The following SETD2 variants were observed in gnomAD, a reference collection of about 807,000 sequenced individuals.
SETD2 encodes the protein SET domain containing 2, histone lysine methyltransferase.
Under a neutral mutation model 242.1 loss-of-function variants are expected in SETD2, and 31 were observed. The ratio of observed to expected loss-of-function variants is 0.13; its 90% CI spans 0.10 to 0.17. The LOEUF (loss-of-function observed/expected upper bound fraction) is 0.17, where lower values mean the gene tolerates loss of function less well. Ranked by LOEUF, SETD2 falls within the 10% of genes least tolerant of loss-of-function variation. The pLI, the probability that SETD2 is intolerant of heterozygous loss-of-function variation, is 1.00. For missense variants in SETD2, 2,481 were observed against 3,046.3 expected, an observed-to-expected ratio of 0.81 and a Z score of 4.37; for synonymous variants, 1,006 against 1,066.5, an observed-to-expected ratio of 0.94 and a Z score of 1.11.
rs567092381 is a variant in SETD2, at chr3:47,125,148, A to G, written c.88-600T>C. Among the ~76,000 whole-genome samples, 4 of 151,990 alleles carry G rather than the reference A, an allele frequency of 2.6e-5. No individual in the cohort carries two copies. The East Asian group carries it at 5.8e-4, about 22-fold the overall frequency. On this transcript the variant is annotated intron_variant, in intron 2 of 20. Transcript: ENST00000409792. Reference sequence around the variant, plus strand: ...AGCCTGGCCAACATAATGAAAACCCATCTCTACTAAAAATACAAAAATTAG... The same window carrying G: ...AGCCTGGCCAACATAATGAAAACCCGTCTCTACTAAAAATACAAAAATTAG...
Position 47,123,981 on chromosome 3 carries a change from T to C in SETD2, c.655A>G (p.Ile219Val), listed in dbSNP as rs1236885387. The part of the protein sequence containing the change: ...TEPVALPHTP[I>V]TVLMAAPVPL... ...ACTGGTGCTGCCATTAGAACTGTTA[T>C]TGGTGTATGTGGCAAGGCCACTGGC... Residue 219 changes from isoleucine to valine, a missense_variant, in exon 3 of 21, where the codon ATA becomes GTA. Physicochemically the swap from Ile to Val is conservative, Grantham distance 29. Around this residue, in one of 17 missense-constraint regions of SETD2, gnomAD observed 334 missense variants for 374.5 expected, o/e 0.89. Coordinates refer to ENST00000409792, the MANE Select transcript of SETD2 (RefSeq NM_014159.7). 1.9e-6 allele frequency: 3 copies of C among 1,551,538 alleles called. No homozygotes were observed. The South Asian group carries it at 3.6e-5, about 18-fold the overall frequency.
At chr3:47,104,152 T>C (rs753721648) in intron 6 of SETD2, among the ~76,000 whole-genome samples, 1 of 151,894 alleles carries the variant, frequency 6.6e-6, no homozygotes, top group Non-Finnish European at 1.5e-5. Flanking sequence ...TATATGAGAA[T>C]TGAACTGAAT....
intron 3 of SETD2, among the ~76,000 whole-genome samples, chr3:47,117,285 C>CAAAAAAAAA: frequency 4.0e-5 from 1 of 24,816 alleles, no homozygotes; most frequent in East Asian, 1.4e-3. Context: ...AAAAAACAAA[C>CAAAAAAAAA]AAAAAAAAAA....
Position 47,058,440 on chromosome 3 carries a change from C to CAAAAAAAA in SETD2, c.6294-958_6294-951dup, listed in dbSNP as rs1174283471. Reference sequence around the variant, plus strand: ...TGGGCAACAGGGCAAGACACCGTCTCAAAAAAAAAAAAAAAAAAAAAAAAC... The same window carrying CAAAAAAAA: ...TGGGCAACAGGGCAAGACACCGTCTCAAAAAAAAAAAAAAAAAAAAAAAAAAAAAAAAC... On this transcript the variant is annotated intron_variant, in intron 14 of 20. Transcript: ENST00000409792. Among the ~76,000 whole-genome samples, 18 of 21,972 alleles carry CAAAAAAAA rather than the reference C, an allele frequency of 8.2e-4. 2 individuals carry two copies. Among genetic ancestry groups the CAAAAAAAA allele is most frequent in the African/African-American group, 4.0e-3 (16 of 4,024 alleles). The allele number at this position is 21,972 out of a possible 152,430, so 14.4% of individuals were successfully genotyped here. A position where few individuals can be genotyped will look rare whatever the true frequency, so the allele number is the denominator to read the frequency against.
chr3:47,019,906 C>T, intron 18 of SETD2, 66 bp from the exon 19 acceptor site: 1 of 1,311,720 alleles, frequency 7.6e-7, no homozygotes, highest in South Asian at 1.2e-5. Flanking sequence ...GCCCTACTGT[C>T]CCAGAACCCT....
chr3:47,111,232 G>A (rs1264025252), intron 5 of SETD2, among the ~76,000 whole-genome samples: 1 of 151,888 alleles, frequency 6.6e-6, no homozygotes, highest in African/African-American at 2.4e-5. Context: ...ATTGAGTTCT[G>A]TATCAACAGT....
At chr3:47,044,806 G>A (rs1384408164) in intron 16 of SETD2, among the ~76,000 whole-genome samples, 1 of 152,118 alleles carries the variant, frequency 6.6e-6, no homozygotes, top group Non-Finnish European at 1.5e-5. Flanking sequence ...CTAGTCCATG[G>A]TGACTAGTAC....
intron 3 of SETD2, among the ~76,000 whole-genome samples, chr3:47,117,644 T>C (rs1241167957): frequency 1.3e-5 from 2 of 152,226 alleles, no homozygotes; most frequent in East Asian, 1.9e-4. Context: ...CACATCTGCA[T>C]AAATTTTGTT....
In SETD2 at chr3:47,121,731, T is replaced by C; in HGVS notation, c.2905A>G (p.Ile969Val). Reference protein sequence around the residue: ...LQEAQEEGNSILPERRGRPEI... With the variant: ...LQEAQEEGNSVLPERRGRPEI... ...GGTCTTCCTCTTCTTTCAGGCAATATGGAATTCCCTTCTTCTTGAGCCTCT... is the reference window on the plus strand; with the variant it reads ...GGTCTTCCTCTTCTTTCAGGCAATACGGAATTCCCTTCTTCTTGAGCCTCT... Residue 969 changes from isoleucine (I) to valine (V), a missense_variant, in exon 3 of 21, where the codon ATA becomes GTA. Physicochemically the swap from Ile to Val is conservative, Grantham distance 29. Coordinates refer to ENST00000409792, the MANE Select transcript of SETD2 (RefSeq NM_014159.7). 1 of 1,614,154 alleles carries C rather than the reference T, an allele frequency of 6.2e-7. No individual in the cohort carries two copies. Among genetic ancestry groups the C allele is most frequent in the South Asian group, 1.1e-5 (1 of 91,084 alleles).
At chr3:47,020,244 T>C (rs2038159336) in intron 18 of SETD2, among the ~76,000 whole-genome samples, 1 of 152,172 alleles carries the variant, frequency 6.6e-6, no homozygotes, top group African/African-American at 2.4e-5. Flanking sequence ...TGCTCTGTTC[T>C]GAAGACTCTT....
At chr3:47,108,846 T>G (rs1329708534) in intron 5 of SETD2, among the ~76,000 whole-genome samples, 1 of 152,158 alleles carries the variant, frequency 6.6e-6, no homozygotes, top group African/African-American at 2.4e-5. Flanking sequence ...TCCTTAAAAC[T>G]CTAAGATTTA....
intron 9 of SETD2, among the ~76,000 whole-genome samples, chr3:47,091,388 A>G (rs570026252): frequency 6.6e-6 from 1 of 152,168 alleles, no homozygotes; most frequent in Non-Finnish European, 1.5e-5. Context: ...AGCACTTGAG[A>G]GGCCAAGGCG....
At position 47,120,531 on chromosome 3, in the gene SETD2, C is replaced by T. The variant is rs1408025883; in HGVS notation, c.4105G>A (p.Ala1369Thr). ...SLQKDKGSVQ[A>T]PEISSNSIKD... ...ATGGAATTGCTGCTTATTTCAGGTG[C>T]TTGCACTGACCCCTTGTCTTTCTGA... Residue 1369 changes from alanine (A) to threonine (T), a missense_variant, in exon 3 of 21, where the codon GCA becomes ACA. Transcript: ENST00000409792. The T allele has an allele frequency of 6.2e-7, 1 of 1,614,112 alleles. No homozygotes were observed. The highest frequency in any genetic ancestry group is 2.2e-5 in the East Asian group (1 of 44,884).
intron 12 of SETD2, among the ~76,000 whole-genome samples, chr3:47,080,427 T>G (rs1421521446): frequency 6.6e-6 from 1 of 152,114 alleles, no homozygotes; most frequent in Non-Finnish European, 1.5e-5. Context: ...TCTCGGTGTT[T>G]AATGGCAAAT....
At chr3:47,118,633 C>A (rs146550843) in intron 3 of SETD2, among the ~76,000 whole-genome samples, 211 of 150,750 alleles carry the variant, frequency 1.4e-3, no homozygotes, top group African/African-American at 4.6e-3. Flanking sequence ...CCACTGCACT[C>A]CACCCTGGGA....
chr3:47,095,600 AG>A (rs1276487229), intron 9 of SETD2, among the ~76,000 whole-genome samples: 1 of 152,220 alleles, frequency 6.6e-6, no homozygotes, highest in Non-Finnish European at 1.5e-5. Flanking sequence ...CTAACAGACT[AG>A]GTATGACCCA....
intron 11 of SETD2, 44 bp from the exon 12 acceptor site, chr3:47,084,426 C>CTTTTT (rs5848822): frequency 1.0e-6 from 1 of 978,708 alleles, no homozygotes; most frequent in Non-Finnish European, 1.4e-6. Flanking sequence ...GTACAGTTGA[C>CTTTTT]TTTTTTTTTT....
chr3:47,103,959 G>A (rs775400455), intron 6 of SETD2, among the ~76,000 whole-genome samples: 1 of 152,100 alleles, frequency 6.6e-6, no homozygotes, highest in African/African-American at 2.4e-5. Context: ...CTCACTGCAT[G>A]GTATAATACT....
chr3:47,072,374 T>C (rs1469103013), intron 12 of SETD2, among the ~76,000 whole-genome samples: 1 of 152,168 alleles, frequency 6.6e-6, no homozygotes, highest in African/African-American at 2.4e-5. Context: ...GATCAGATTA[T>C]CTGTTCTGTA....
Sources: gnomAD v4.1 joint callset for allele counts (sites outside exome capture counted in the v4.1 genomes callset) on GRCh38, gnomAD v4.1.1 for gene constraint, gnomAD v4.1.1 regional missense constraint, MANE v1.5 for transcripts, NCBI Gene and HGNC (gene_info 2026-07-23, HGNC 2026-07-21) for gene names.